ANXA4: variants seen among roughly 807,000 people sequenced by gnomAD.
ANXA4 encodes 35-beta calcimedin.
In ANXA4, 39 loss-of-function variants were observed where a neutral mutation model predicts 49.8. The observed-to-expected ratio is 0.78, with a 90% CI of 0.61 to 1.02. The LOEUF (loss-of-function observed/expected upper bound fraction) is 1.02, where lower values mean the gene tolerates loss of function less well. ANXA4 is among the 50% of genes least tolerant of loss of function. ANXA4 has a pLI of 0.00. For synonymous variants in ANXA4, 134 were observed against 152.5 expected (o/e 0.88, Z 0.89); for missense variants, 360 against 410.1 (o/e 0.88, Z 1.05).
intron 8 of ANXA4, 35 bp downstream of exon 8, chr2:69,812,744 C>A: frequency 6.2e-7 from 1 of 1,606,670 alleles, no homozygotes; most frequent in Non-Finnish European, 8.5e-7. Context: ...TTCCAGCTTT[C>A]TTCTCTTTCG....
intron 1 of ANXA4, among the ~76,000 whole-genome samples, chr2:69,651,199 G>A (rs1165864046): frequency 3.9e-5 from 6 of 152,144 alleles, no homozygotes; most frequent in Non-Finnish European, 5.9e-5. Flanking sequence ...ACAAACAGAT[G>A]AGGAAAAGAA....
chr2:69,679,328 T>C (rs1315425712), intron 2 of ANXA4, among the ~76,000 whole-genome samples: 1 of 152,126 alleles, frequency 6.6e-6, no homozygotes, highest in Non-Finnish European at 1.5e-5. Context: ...TGTAGAAATG[T>C]CTATTCATCT....
rs915605233 is a variant in ANXA4 at position 69,812,840 on chromosome 2, C to T, written c.534+131C>T. Reference sequence around the variant, plus strand: ...CTTGGATATGTTCTTTAAAAATATTCCCACAGATAGCCTTTAATAACAGGT... The same window carrying T: ...CTTGGATATGTTCTTTAAAAATATTTCCACAGATAGCCTTTAATAACAGGT... On this transcript the variant is annotated intron_variant, in intron 8 of 12. Transcript: ENST00000394295. The T allele has an allele frequency of 1.1e-5, 8 of 759,178 alleles. No homozygotes were observed. The African/African-American group carries it at 1.1e-4, about 10-fold the overall frequency. The allele number at this position is 759,178 out of a possible 1,614,324, so 47.0% of individuals were successfully genotyped here.
chr2:69,718,892 A>C (rs1427623640), intron 2 of ANXA4, among the ~76,000 whole-genome samples: 1 of 151,798 alleles, frequency 6.6e-6, no homozygotes, highest in African/African-American at 2.4e-5. Context: ...ATACACACAC[A>C]TGCATACACA....
chr2:69,655,654 T>A (rs1338766935), intron 2 of ANXA4, among the ~76,000 whole-genome samples: 2 of 152,132 alleles, frequency 1.3e-5, no homozygotes, highest in Non-Finnish European at 2.9e-5. Flanking sequence ...GAAATACCAT[T>A]TGACCCAGCA....
chr2:69,716,735 G>A (rs1559105658), intron 2 of ANXA4, among the ~76,000 whole-genome samples: 1 of 152,264 alleles, frequency 6.6e-6, no homozygotes, highest in Non-Finnish European at 1.5e-5. Flanking sequence ...AAAATGACTC[G>A]ACGTTTTTGA....
chr2:69,780,873 AT>A (rs938904147), intron 1 of ANXA4, among the ~76,000 whole-genome samples: 1 of 152,210 alleles, frequency 6.6e-6, no homozygotes, highest in African/African-American at 2.4e-5. Flanking sequence ...CAGTGAAGAC[AT>A]TTCTTGCATT....
intron 1 of ANXA4, among the ~76,000 whole-genome samples, chr2:69,752,639 G>A (rs373676436): frequency 1.3e-5 from 2 of 152,208 alleles, no homozygotes; most frequent in South Asian, 4.1e-4. Flanking sequence ...TCACATACCT[G>A]CCTCCTCTCT....
At chr2:69,693,040 A>G (rs1007727200) in intron 2 of ANXA4, among the ~76,000 whole-genome samples, 4 of 152,176 alleles carry the variant, frequency 2.6e-5, no homozygotes, top group African/African-American at 9.7e-5. Flanking sequence ...AATTTAGGAA[A>G]CACTGGGTTA....
At chr2:69,704,660 A>AGAAG (rs1678434016) in intron 2 of ANXA4, among the ~76,000 whole-genome samples, 1 of 152,194 alleles carries the variant, frequency 6.6e-6, no homozygotes, top group Non-Finnish European at 1.5e-5. Context: ...AAATGGTAAA[A>AGAAG]GAAGGCAAGT....
rs192303474 is a variant in ANXA4, at chr2:69,652,837, C to T, written n.482-161C>T. Among the ~76,000 whole-genome samples, 56 of 152,244 alleles carry T rather than the reference C, an allele frequency of 3.7e-4. No homozygotes were observed. In the East Asian group the frequency reaches 5.0e-3, roughly 14 times the overall value. ...CAGTGCCACTGCACCCCAGCCTGGG[C>T]GACAGAGCAAGATTTCGTCCCCCAC... On this transcript the variant is annotated intron_variant and non_coding_transcript_variant, in intron 1 of 3. Transcript: ENST00000418066.
intron 1 of ANXA4, among the ~76,000 whole-genome samples, chr2:69,747,343 A>C (rs1559137690): frequency 6.6e-6 from 1 of 152,168 alleles, no homozygotes; most frequent in Non-Finnish European, 1.5e-5. Context: ...GGTCCTTTAG[A>C]GCTATAAGCC....
intron 2 of ANXA4, among the ~76,000 whole-genome samples, chr2:69,655,956 G>A (rs985213515): frequency 6.6e-6 from 1 of 151,820 alleles, no homozygotes; most frequent in Admixed American, 6.6e-5. Context: ...GTTCTCACTC[G>A]TAAGTGGGAG....
chr2:69,813,249 A>T (rs796726424), intron 8 of ANXA4, among the ~76,000 whole-genome samples: 5 of 142,758 alleles, frequency 3.5e-5, no homozygotes, highest in South Asian at 2.2e-4. Flanking sequence ...CTGTTCTAAA[A>T]TTTTTTTTTT....
At chr2:69,824,504 GAAA>G (rs70954363) in intron 12 of ANXA4, among the ~76,000 whole-genome samples, 3 of 84,884 alleles carry the variant, frequency 3.5e-5, no homozygotes, top group Non-Finnish European at 7.1e-5. Context: ...CTCCGTCTCA[GAAA>G]AAAAAAAAAA....
At chr2:69,644,571 C>G (rs1379770819) in exon 1 of ANXA4, 1 of 152,170 alleles carries the variant, frequency 6.6e-6, no homozygotes, top group Non-Finnish European at 1.5e-5. Flanking sequence ...AATGTACAGG[C>G]GAGATTCAAA....
chr2:69,701,553 G>T (rs1678329758), intron 2 of ANXA4, among the ~76,000 whole-genome samples: 1 of 152,096 alleles, frequency 6.6e-6, no homozygotes, highest in Admixed American at 6.5e-5. Context: ...TCCTTTTAAG[G>T]CTGAATAGTA....
chr2:69,741,983 T>G (rs1348914375), upstream of ANXA4: 1 of 152,102 alleles, frequency 6.6e-6, no homozygotes, highest in African/African-American at 2.4e-5. Flanking sequence ...GGCGCGGCCG[T>G]CCCGGCCCGG....
chr2:69,813,760 T>C (rs1317750245), intron 8 of ANXA4, among the ~76,000 whole-genome samples: 31 of 86,240 alleles, frequency 3.6e-4, no homozygotes, highest in Non-Finnish European at 3.0e-4. Context: ...CTCTCTCTCT[T>C]TTTTTTTTTT....
Sources: allele counts gnomAD v4.1 joint callset (sites outside exome capture counted in the v4.1 genomes callset), GRCh38; gene constraint gnomAD v4.1.1; transcripts MANE v1.5; gene names NCBI Gene and HGNC (gene_info 2026-07-23, HGNC 2026-07-21).